The following MSRA variants were observed in gnomAD, a reference collection of about 807,000 sequenced individuals.
MSRA encodes mitochondrial peptide methionine sulfoxide reductase.
Under a neutral mutation model 31.3 loss-of-function variants are expected in MSRA, and 54 were observed. The observed-to-expected ratio is 1.73, with a 90% confidence interval of 1.39 to 2.17. MSRA has a LOEUF of 2.17. MSRA is among the 30% of genes most tolerant of loss of function. MSRA has a pLI of 0.00. For synonymous variants in MSRA, 169 were observed against 116.5 expected (o/e 1.45, Z -2.90); for missense variants, 507 against 300.9 (o/e 1.69, Z -5.07).
chr8:10,198,955 G>A (rs1001406956), intron 1 of MSRA, among the ~76,000 whole-genome samples: 1 of 152,214 alleles, frequency 6.6e-6, no homozygotes, highest in African/African-American at 2.4e-5. Flanking sequence ...CCTGGTCAGT[G>A]CTCGGCATTG....
chr8:10,348,631 G>C (rs949589140), intron 5 of MSRA, among the ~76,000 whole-genome samples: 3 of 152,078 alleles, frequency 2.0e-5, no homozygotes, highest in African/African-American at 7.2e-5. Flanking sequence ...GCCTCCCAAA[G>C]TGCTGGGATT....
At chr8:10,358,095 G>T (rs1335035621) in intron 5 of MSRA, among the ~76,000 whole-genome samples, 1 of 152,042 alleles carries the variant, frequency 6.6e-6, no homozygotes, top group African/African-American at 2.4e-5. Flanking sequence ...GCTAATTTTT[G>T]TATTATTATC....
At chr8:10,192,662 T>C (rs2129053984) in intron 1 of MSRA, among the ~76,000 whole-genome samples, 1 of 152,330 alleles carries the variant, frequency 6.6e-6, no homozygotes, top group Admixed American at 6.5e-5. Context: ...TGTATTCTTT[T>C]CCCCTATCCT....
chr8:10,065,789 T>C (rs1797426675), intron 1 of MSRA, among the ~76,000 whole-genome samples: 1 of 152,262 alleles, frequency 6.6e-6, no homozygotes, highest in Admixed American at 6.5e-5. Context: ...AAGTGAGGAC[T>C]GTATTGTTTA....
intron 5 of MSRA, among the ~76,000 whole-genome samples, chr8:10,359,907 T>G (rs1383229002): frequency 1.3e-5 from 2 of 152,240 alleles, no homozygotes; most frequent in Admixed American, 6.5e-5. Flanking sequence ...CATCCCACAG[T>G]GTTAAAACTG....
intron 1 of MSRA, among the ~76,000 whole-genome samples, chr8:10,146,875 G>C (rs2129034059): frequency 6.6e-6 from 1 of 152,258 alleles, no homozygotes; most frequent in Middle Eastern, 3.4e-3. Context: ...TGAAAGGTTT[G>C]CAAAACCTAT....
At chr8:10,281,323 G>A (rs377337127) in intron 3 of MSRA, among the ~76,000 whole-genome samples, 22 of 152,266 alleles carry the variant, frequency 1.4e-4, no homozygotes, top group East Asian at 9.6e-4. Context: ...TTTCCCCATC[G>A]TTGGAAATGT....
chr8:10,345,701 G>A (rs774488729), intron 5 of MSRA, among the ~76,000 whole-genome samples: 12 of 152,162 alleles, frequency 7.9e-5, no homozygotes, highest in Non-Finnish European at 1.3e-4. Flanking sequence ...ATTACATTAT[G>A]AGAAGTGCGT....
intron 1 of MSRA, among the ~76,000 whole-genome samples, chr8:10,083,690 T>G (rs933451369): frequency 2.4e-4 from 36 of 152,348 alleles, no homozygotes; most frequent in African/African-American, 7.5e-4. Flanking sequence ...GAGGTTTTTT[T>G]TTCCTTATTC....
chr8:10,257,544 T>G (rs1798248405), intron 3 of MSRA, among the ~76,000 whole-genome samples: 2 of 152,150 alleles, frequency 1.3e-5, no homozygotes, highest in Non-Finnish European at 2.9e-5. Flanking sequence ...GGAGCTGGGA[T>G]TATAGGCACG....
chr8:10,312,453 C>T (rs563901039), intron 4 of MSRA, among the ~76,000 whole-genome samples: 2 of 152,152 alleles, frequency 1.3e-5, no homozygotes, highest in South Asian at 2.1e-4. Flanking sequence ...AATAAAGACA[C>T]CACTGGCTTC....
At chr8:10,376,907 A>G (rs1805787151) in intron 5 of MSRA, among the ~76,000 whole-genome samples, 1 of 152,228 alleles carries the variant, frequency 6.6e-6, no homozygotes, top group Non-Finnish European at 1.5e-5. Context: ...AAGTCAGGCA[A>G]CAAGAGAGCT....
At chr8:10,192,108 C>G (rs1331785327) in intron 1 of MSRA, among the ~76,000 whole-genome samples, 1 of 152,168 alleles carries the variant, frequency 6.6e-6, no homozygotes, top group Non-Finnish European at 1.5e-5. Context: ...GTTTCCCCCA[C>G]AGCAAGCCAT....
rs193267640 is a variant in MSRA at position 10,222,690 on chromosome 8, A to G, written c.211+14789A>G. Among the ~76,000 whole-genome samples, 4 of 152,358 alleles carry G rather than the reference A, an allele frequency of 2.6e-5. No individual in the cohort carries two copies. The East Asian group carries it at 7.7e-4, about 29-fold the overall frequency. ...AGGAAATCCTGTCGTTGGCAACAGT[A>G]TTGATTAACCTGGAGAACATTATGC... On this transcript the variant is annotated intron_variant, in intron 2 of 5. Transcript: ENST00000317173.
At chr8:10,286,869 G>A (rs528823744) in intron 3 of MSRA, among the ~76,000 whole-genome samples, 6 of 152,328 alleles carry the variant, frequency 3.9e-5, no homozygotes, top group East Asian at 1.9e-4. Context: ...CTGTGTGTAC[G>A]CACATGTGTG....
intron 3 of MSRA, among the ~76,000 whole-genome samples, chr8:10,261,884 C>G (rs752701216): frequency 1.1e-4 from 16 of 152,178 alleles, no homozygotes; most frequent in Non-Finnish European, 2.2e-4. Context: ...CTCACAAACC[C>G]CTGGCAATCA....
At position 10,311,481 on chromosome 8, in the gene MSRA, G is replaced by A. The variant is rs192032672; in HGVS notation, c.437-8402G>A. Among the ~76,000 whole-genome samples the A allele has an allele frequency of 1.5e-4, 23 of 151,230 alleles. No individual in the cohort carries two copies. The South Asian group carries it at 3.4e-3, about 22-fold the overall frequency. ...TGCTGTACCCCACACCTGGGGGGGCGCCTTCTTCTCAATCACACAAGGAAC... is the reference window on the plus strand; with the variant it reads ...TGCTGTACCCCACACCTGGGGGGGCACCTTCTTCTCAATCACACAAGGAAC... On this transcript the variant is annotated intron_variant, in intron 4 of 5. Transcript: ENST00000317173.
chr8:10,298,640 G>A (rs1251883908), intron 3 of MSRA, among the ~76,000 whole-genome samples: 2 of 152,048 alleles, frequency 1.3e-5, no homozygotes, highest in African/African-American at 4.8e-5. Context: ...AAAATCATGA[G>A]CATTAAATGG....
intron 1 of MSRA, among the ~76,000 whole-genome samples, chr8:10,086,934 TG>T (rs953664376): frequency 1.3e-5 from 2 of 150,952 alleles, no homozygotes; most frequent in Non-Finnish European, 3.0e-5. Context: ...AGAATGAGAA[TG>T]AGAATGGATA....
Sources: allele counts gnomAD v4.1 joint callset (sites outside exome capture counted in the v4.1 genomes callset), GRCh38; gene constraint gnomAD v4.1.1; transcripts MANE v1.5; gene names NCBI Gene and HGNC (gene_info 2026-07-23, HGNC 2026-07-21).